Variants in PRDM16 observed in about 807,000 individuals in gnomAD.
PRDM16 encodes PR/SET domain 16.
In PRDM16, 23 loss-of-function variants were observed where a neutral mutation model predicts 110.6. The observed-to-expected ratio is 0.21, with a 90% CI of 0.15 to 0.29. PRDM16 has a LOEUF of 0.29. Ranked by LOEUF, PRDM16 falls within the 10% of genes least tolerant of loss-of-function variation. The pLI is 1.00. For missense variants in PRDM16, 1,615 were observed against 1,794.3 expected, an observed-to-expected ratio of 0.90 and a Z score of 1.81; for synonymous variants, 799 against 781.8, an observed-to-expected ratio of 1.02 and a Z score of -0.37.
intron 3 of PRDM16, among the ~76,000 whole-genome samples, chr1:3,366,464 C>G (rs886500991): frequency 6.6e-6 from 1 of 152,224 alleles, no homozygotes. Context: ...CAGGCTGTGC[C>G]GACCAGGGCT....
chr1:3,257,705 A>T (rs1640081249), intron 3 of PRDM16, among the ~76,000 whole-genome samples: 1 of 152,158 alleles, frequency 6.6e-6, no homozygotes, highest in Admixed American at 6.5e-5. Context: ...CATTCAACAA[A>T]TACGCCTGCC....
intron 3 of PRDM16, among the ~76,000 whole-genome samples, chr1:3,283,844 C>T (rs1640787867): frequency 6.6e-6 from 1 of 152,270 alleles, no homozygotes; most frequent in African/African-American, 2.4e-5. Flanking sequence ...ACAGCCTCCC[C>T]GACCAACATC....
chr1:3,086,837 C>T (rs1030641439), intron 1 of PRDM16, among the ~76,000 whole-genome samples: 8 of 152,144 alleles, frequency 5.3e-5, no homozygotes, highest in Admixed American at 2.6e-4. Flanking sequence ...GAAATGCGCT[C>T]GCGCCTGGAG....
At chr1:3,131,668 G>A (rs553187510) in intron 1 of PRDM16, among the ~76,000 whole-genome samples, 5 of 152,338 alleles carry the variant, frequency 3.3e-5, no homozygotes, top group South Asian at 2.1e-4. Context: ...GGTTGGTCAC[G>A]CCTCTGGTCT....
intron 2 of PRDM16, among the ~76,000 whole-genome samples, chr1:3,188,574 C>A (rs1207504331): frequency 6.6e-6 from 1 of 152,218 alleles, no homozygotes; most frequent in Non-Finnish European, 1.5e-5. Flanking sequence ...CTGACAGATA[C>A]CCCTCCTGCC....
intron 1 of PRDM16, among the ~76,000 whole-genome samples, chr1:3,102,793 A>G (rs553284114): frequency 6.6e-6 from 1 of 152,330 alleles, no homozygotes; most frequent in East Asian, 1.9e-4. Context: ...GGACTCTGGA[A>G]GGGCTGGGAC....
rs146162563 is a variant in PRDM16, at chr1:3,304,871, G to T, written c.438+60734G>T. Among the ~76,000 whole-genome samples the T allele has an allele frequency of 4.1e-3, 625 of 152,260 alleles. 5 individuals are homozygous for T. The highest frequency in any genetic ancestry group is 4.5e-3 in the Non-Finnish European group (303 of 68,016). ...CACAGTTGTGGAGGAGCCCAAGGAG[G>T]TGGCCTCCCAGGTGGACCCTATTCC... On this transcript the variant is annotated intron_variant, in intron 3 of 16. Transcript: ENST00000270722.
intron 2 of PRDM16, among the ~76,000 whole-genome samples, chr1:3,193,262 G>T (rs138224432): frequency 6.6e-6 from 1 of 152,220 alleles, no homozygotes; most frequent in Non-Finnish European, 1.5e-5. Flanking sequence ...CGCCTCCAGG[G>T]CTGACCTCCT....
chr1:3,429,644 C>T (rs1638711334), intron 14 of PRDM16, among the ~76,000 whole-genome samples: 1 of 152,256 alleles, frequency 6.6e-6, no homozygotes, highest in Non-Finnish European at 1.5e-5. Flanking sequence ...ATCCCAGCAG[C>T]TCCGTGGCTG....
In PRDM16 at chr1:3,335,445, C is replaced by T. The variant is rs535633628; in HGVS notation, c.439-49707C>T. Among the ~76,000 whole-genome samples the T allele has an allele frequency of 1.9e-4, 29 of 152,254 alleles. 1 individual carries two copies. In the South Asian group the frequency reaches 5.0e-3, roughly 26 times the overall value. Reference sequence around the variant, plus strand: ...AGAGAACACGTCCTTAGCCCGGTCGCGTTAGCACGTCGCATGTCCGAAAGC... The same window carrying T: ...AGAGAACACGTCCTTAGCCCGGTCGTGTTAGCACGTCGCATGTCCGAAAGC... On this transcript the variant is annotated intron_variant, in intron 3 of 16. Transcript: ENST00000270722.
intron 1 of PRDM16, among the ~76,000 whole-genome samples, chr1:3,181,256 GCAGTCTTACACA>G (rs1644168838): frequency 1.5e-5 from 1 of 67,100 alleles, no homozygotes; most frequent in Admixed American, 1.6e-4. Flanking sequence ...TCTTACACAC[GCAGTCTTACACA>G]CGGCCTTACG....
chr1:3,276,516 G>A (rs769165126), intron 3 of PRDM16, among the ~76,000 whole-genome samples: 188 of 152,224 alleles, frequency 1.2e-3, no homozygotes, highest in Non-Finnish European at 1.6e-3. Context: ...CAGCGACCCG[G>A]ACCCGCCCGC....
At chr1:3,347,025 T>C (rs983035898) in intron 3 of PRDM16, among the ~76,000 whole-genome samples, 3 of 152,176 alleles carry the variant, frequency 2.0e-5, no homozygotes, top group Non-Finnish European at 2.9e-5. Context: ...ACCGGCAGCT[T>C]GGGACACCCA....
At chr1:3,114,267 TACACACACGC>T (rs1642881528) in intron 1 of PRDM16, among the ~76,000 whole-genome samples, 1 of 117,486 alleles carries the variant, frequency 8.5e-6, no homozygotes, top group Admixed American at 9.2e-5. Context: ...CGCGCACACG[TACACACACGC>T]ACACACGCAG....
At chr1:3,337,377 G>A (rs7552331) in intron 3 of PRDM16, among the ~76,000 whole-genome samples, 50,296 of 152,088 alleles carry the variant, frequency 0.33, 8,750 homozygotes, top group East Asian at 0.56. Context: ...TTCCTCCATC[G>A]AAGGCACCCA....
At chr1:3,431,174 C>A (rs1258134336) in intron 15 of PRDM16, 66 bp downstream of exon 15, 10 of 1,517,528 alleles carry the variant, frequency 6.6e-6, no homozygotes, top group African/African-American at 4.1e-5. Context: ...ACGAGGGGGA[C>A]CTCCCTCTTC....
intron 1 of PRDM16, among the ~76,000 whole-genome samples, chr1:3,111,005 G>A (rs1642779374): frequency 6.6e-6 from 1 of 152,206 alleles, no homozygotes; most frequent in Non-Finnish European, 1.5e-5. Flanking sequence ...AGCTTCGTGG[G>A]CTGGTGAGGA....
At chr1:3,146,704 T>G (rs1161406623) in intron 1 of PRDM16, among the ~76,000 whole-genome samples, 3 of 93,736 alleles carry the variant, frequency 3.2e-5, no homozygotes, top group Admixed American at 1.3e-4. Flanking sequence ...TGGTGTGGGG[T>G]GTGTCTGCAC....
intron 1 of PRDM16, among the ~76,000 whole-genome samples, chr1:3,153,788 C>T (rs539563088): frequency 2.0e-5 from 3 of 152,316 alleles, no homozygotes; most frequent in Non-Finnish European, 2.9e-5. Flanking sequence ...CATTGAGAAG[C>T]GTGGAACGCA....
Sources: allele counts gnomAD v4.1 joint callset (sites outside exome capture counted in the v4.1 genomes callset), GRCh38; gene constraint gnomAD v4.1.1; transcripts MANE v1.5; gene names NCBI Gene and HGNC (gene_info 2026-07-23, HGNC 2026-07-21).